Variants in DLGAP4 observed in about 807,000 individuals in gnomAD.
DLGAP4 encodes disks large-associated protein 4.
DLGAP4 carries 18 observed loss-of-function variants against 86.9 expected under a neutral mutation model. The observed-to-expected ratio is 0.21, with a 90% CI of 0.14 to 0.31. The LOEUF (loss-of-function observed/expected upper bound fraction) is 0.31. Ranked by LOEUF, DLGAP4 falls within the 10% of genes least tolerant of loss-of-function variation. DLGAP4 has a pLI of 1.00. For missense variants in DLGAP4, 1,085 were observed against 1,362.6 expected (o/e 0.80, Z 3.21); for synonymous variants, 548 against 574.3 (o/e 0.95, Z 0.65).
At chr20:36,469,386 C>T (rs1351616505) in intron 7 of DLGAP4, among the ~76,000 whole-genome samples, 2 of 152,030 alleles carry the variant, frequency 1.3e-5, no homozygotes, top group South Asian at 2.1e-4. Context: ...TGTTGCAGCC[C>T]GTGAGCCCTT....
intron 2 of DLGAP4, among the ~76,000 whole-genome samples, chr20:36,379,354 A>G (rs1210911313): frequency 6.6e-6 from 1 of 152,224 alleles, no homozygotes; most frequent in Non-Finnish European, 1.5e-5. Flanking sequence ...TGGAACCAGG[A>G]GACCTGTCTG....
At chr20:36,366,875 C>CGGGATGCCA (rs2030706514) in intron 1 of DLGAP4, among the ~76,000 whole-genome samples, 170 bp from the exon 2 acceptor site, 1 of 152,130 alleles carries the variant, frequency 6.6e-6, no homozygotes, top group Non-Finnish European at 1.5e-5. Context: ...TCACATGAGC[C>CGGGATGCCA]GGGATGCCAG....
chr20:36,469,751 T>TC (rs1302912194), intron 7 of DLGAP4, among the ~76,000 whole-genome samples: 42 of 119,898 alleles, frequency 3.5e-4, no homozygotes, highest in African/African-American at 1.7e-3. Flanking sequence ...AGACTCTGTC[T>TC]CAAAAAAAAA....
chr20:36,309,130 C>T (rs1301579918), intron 1 of DLGAP4, among the ~76,000 whole-genome samples: 3 of 152,174 alleles, frequency 2.0e-5, no homozygotes, highest in South Asian at 2.1e-4. Flanking sequence ...CCTTCTCCCA[C>T]GTGCCTGTTT....
At chr20:36,467,061 TC>T (rs1479235001) in intron 7 of DLGAP4, among the ~76,000 whole-genome samples, 1 of 50,198 alleles carries the variant, frequency 2.0e-5, no homozygotes, top group Non-Finnish European at 4.8e-5. Context: ...TCTCTCTCTC[TC>T]TCCCCCCCCC....
chr20:36,528,167 C>G lies in DLGAP4; in HGVS notation c.*1136C>G, dbSNP rs1458800121. ...TTTTTTGGTCTCCACCCCCCTCCCC[C>G]CGCCCCGCACTCCTAAGGGCCCATC... is the stretch of plus-strand genomic sequence containing the variant. On this transcript the variant is annotated 3_prime_UTR_variant, in exon 13 of 13. Coordinates refer to ENST00000339266, the MANE Select transcript of DLGAP4 (RefSeq NM_001365621.2). The G allele has an allele frequency of 1.3e-5, 2 of 151,632 alleles. No individual in the cohort carries two copies. Among genetic ancestry groups the G allele is most frequent in the Non-Finnish European group, 2.9e-5 (2 of 67,840 alleles). The allele number at this position is 151,632 out of a possible 1,614,324, so 9.4% of individuals were successfully genotyped here. A position where few individuals can be genotyped will look rare whatever the true frequency, so the allele number is the denominator to read the frequency against.
intron 2 of DLGAP4, among the ~76,000 whole-genome samples, chr20:36,387,705 AT>A (rs1466674691): frequency 6.6e-6 from 1 of 152,094 alleles, no homozygotes; most frequent in Non-Finnish European, 1.5e-5. Flanking sequence ...ATCTGATTTC[AT>A]TTTTCTATAG....
intron 7 of DLGAP4, among the ~76,000 whole-genome samples, chr20:36,451,040 G>A (rs548012912): frequency 3.0e-4 from 46 of 152,328 alleles, no homozygotes; most frequent in African/African-American, 9.4e-4. Flanking sequence ...CTTGGGGAAC[G>A]GAACACCTTT....
At chr20:36,409,398 CTTTTTTTTTTTAACTCTT>C (rs1181625660) in intron 2 of DLGAP4, among the ~76,000 whole-genome samples, 1 of 142,364 alleles carries the variant, frequency 7.0e-6, no homozygotes, top group Non-Finnish European at 1.5e-5. Context: ...TTTTTTAAGA[CTTTTTTTTTTTAACTCTT>C]TTTTTTTTTT....
chr20:36,446,771 G>C lies in DLGAP4; in HGVS notation c.1482G>C (p.Ala494=). Residue 494 remains alanine, a synonymous_variant, in exon 7 of 13, where the codon GCG becomes GCC. Transcript: ENST00000339266. ...CCTGCAGTGAAGCGGAGTCCACAGCGGCAGAGACGCTTGACTTGCCACTGC... is the reference window on the plus strand; with the variant it reads ...CCTGCAGTGAAGCGGAGTCCACAGCCGCAGAGACGCTTGACTTGCCACTGC... The part of the protein sequence containing the change: ...ESACSEAEST[A]AETLDLPLPS... 3.7e-6 allele frequency: 6 copies of C among 1,612,840 alleles called. No individual in the cohort carries two copies. The highest frequency in any genetic ancestry group is 4.2e-6 in the Non-Finnish European group (5 of 1,179,830).
rs201794006 is a variant in DLGAP4, at chr20:36,432,762, G to A, written c.999+46G>A. 3.8e-5 allele frequency: 61 copies of A among 1,599,956 alleles called. No individual in the cohort carries two copies. The highest frequency in any genetic ancestry group is 6.7e-5 in the African/African-American group (5 of 74,918). On this transcript the variant is annotated intron_variant, in intron 3 of 12. Coordinates refer to ENST00000339266, the MANE Select transcript of DLGAP4 (RefSeq NM_001365621.2). This position sits in a 1 kb window ranked among gnomAD's most constrained non-coding sequence, Gnocchi z 6.5. ...GGGGTGGGATGAGGGCTCTGGGGAC[G>A]GCACCAGTTTTGAGGCCTAGACGTA...
Position 36,432,593 on chromosome 20 carries a change from C to T in DLGAP4, c.876C>T (p.Gly292=). ...CTGACACCAACTACGTCAAACGGGG[C>T]TCCTGGTCCACTCTGACCCTCAGCC... ...VGTDTNYVKR[G]SWSTLTLSHA... is the part of the protein sequence containing the mutation. Residue 292 remains glycine (G), a synonymous_variant, in exon 3 of 13, where the codon GGC becomes GGT. Transcript: ENST00000339266. This position sits in a 1 kb window ranked among gnomAD's most constrained non-coding sequence, Gnocchi z 6.5. 3 of 1,611,818 alleles carry T rather than the reference C, an allele frequency of 1.9e-6. No homozygotes were observed. Among genetic ancestry groups the T allele is most frequent in the Non-Finnish European group, 2.5e-6 (3 of 1,179,286 alleles).
At chr20:36,345,336 C>G (rs1382891008) in intron 1 of DLGAP4, among the ~76,000 whole-genome samples, 4 of 152,196 alleles carry the variant, frequency 2.6e-5, no homozygotes, top group African/African-American at 4.8e-5. Flanking sequence ...TTTGGTATCT[C>G]TTCTCCTGCT....
rs1257775965 is a variant in DLGAP4, at chr20:36,350,273, T to C, written c.-303-16772T>C. Among the ~76,000 whole-genome samples, 2 of 152,178 alleles carry C rather than the reference T, an allele frequency of 1.3e-5. No homozygotes were observed. Among genetic ancestry groups the C allele is most frequent in the Non-Finnish European group, 2.9e-5 (2 of 68,024 alleles). On this transcript the variant is annotated intron_variant, in intron 1 of 12. Transcript: ENST00000339266. This position sits in a 1 kb window ranked among gnomAD's most constrained non-coding sequence, Gnocchi z 4.4. The stretch of plus-strand genomic sequence containing the variant: ...TTGTGTGCTAGAGACAGTTTCCTTG[T>C]GGATATAGGGTAGCGGATGAGTAGC...
At chr20:36,394,139 C>T (rs114009213) in intron 2 of DLGAP4, among the ~76,000 whole-genome samples, 1,876 of 152,346 alleles carry the variant, frequency 0.012, 53 homozygotes, top group African/African-American at 0.043. Flanking sequence ...TCAATTCCTA[C>T]TCATCCTTCA....
chr20:36,512,424 G>T (rs542715057), intron 10 of DLGAP4, among the ~76,000 whole-genome samples: 29 of 152,130 alleles, frequency 1.9e-4, no homozygotes, highest in African/African-American at 7.0e-4. Flanking sequence ...GGAATAATAG[G>T]TCCATATCTC....
intron 7 of DLGAP4, among the ~76,000 whole-genome samples, chr20:36,450,282 G>A (rs897251901): frequency 6.6e-6 from 1 of 152,184 alleles, no homozygotes; most frequent in East Asian, 1.9e-4. Context: ...TGGATCACTT[G>A]AGGCCAGGAG....
rs1182631356 is a variant in DLGAP4 at position 36,442,793 on chromosome 20, C to T, written c.1407+16C>T. ...TGAGCAGCAGGTCAGTATGTTTGCC[C>T]TTCTCTTCCACCCCAATCCCAGAGT... On this transcript the variant is annotated intron_variant, in intron 6 of 12. Transcript: ENST00000339266. 6.2e-7 allele frequency: 1 copy of T among 1,614,208 alleles called. No homozygotes were observed. The highest frequency in any genetic ancestry group is 1.1e-5 in the South Asian group (1 of 91,086).
At position 36,489,045 on chromosome 20, in the gene DLGAP4, T is replaced by A. The variant is rs150978191; in HGVS notation, c.1649-7660T>A. ...CTTCAGCATTATGTAGGTGCCATTT[T>A]AAACAGTGAAGTCACCAACAGAAAG... On this transcript the variant is annotated intron_variant, in intron 7 of 12. Coordinates refer to ENST00000339266, the MANE Select transcript of DLGAP4 (RefSeq NM_001365621.2). Among the ~76,000 whole-genome samples, 740 of 152,334 alleles carry A rather than the reference T, an allele frequency of 4.9e-3. 3 individuals carry two copies. The highest frequency in any genetic ancestry group is 0.02 in the Middle Eastern group (6 of 294).
Sources: allele counts gnomAD v4.1 joint callset (sites outside exome capture counted in the v4.1 genomes callset), GRCh38; gene constraint gnomAD v4.1.1; non-coding constraint Gnocchi (gnomAD v3.1); transcripts MANE v1.5; gene names NCBI Gene and HGNC (gene_info 2026-07-23, HGNC 2026-07-21).